PRDM5: variants seen among roughly 807,000 people sequenced by gnomAD.
PRDM5 encodes the protein PR domain zinc finger protein 5.
A neutral mutation model predicts 81.2 loss-of-function variants in PRDM5; 56 were observed. That is an observed-to-expected ratio of 0.69 (90% CI 0.56 to 0.86). PRDM5 has a LOEUF of 0.86. Ranked by LOEUF, PRDM5 falls within the 40% of genes least tolerant of loss-of-function variation. The pLI, the probability that PRDM5 is intolerant of heterozygous loss-of-function variation, is 0.00. For synonymous variants in PRDM5, 267 were observed against 256.4 expected (o/e 1.04, Z -0.39); for missense variants, 697 against 770.1 (o/e 0.91, Z 1.12).
chr4:120,815,339 G>T (rs1567551), intron 7 of PRDM5, among the ~76,000 whole-genome samples: 30,147 of 152,096 alleles, frequency 0.2, 3,648 homozygotes, highest in Non-Finnish European at 0.28. Flanking sequence ...AGGAAAGAAA[G>T]AAACCAGAAC....
chr4:120,832,945 A>C (rs1243590526), intron 3 of PRDM5, among the ~76,000 whole-genome samples: 1 of 152,120 alleles, frequency 6.6e-6, no homozygotes, highest in Non-Finnish European at 1.5e-5. Flanking sequence ...ACATACCAGA[A>C]ACATATTAGA....
chr4:120,714,688 G>C (rs1052560637), intron 14 of PRDM5, among the ~76,000 whole-genome samples: 4 of 151,876 alleles, frequency 2.6e-5, no homozygotes, highest in African/African-American at 9.7e-5. Context: ...TTGTTTCCTT[G>C]GGTGTCTGGG....
intron 15 of PRDM5, among the ~76,000 whole-genome samples, chr4:120,700,849 G>T (rs1735232958): frequency 6.6e-6 from 1 of 152,182 alleles, no homozygotes; most frequent in African/African-American, 2.4e-5. Flanking sequence ...AGTCAGCCAG[G>T]CATGGTGGCT....
intron 7 of PRDM5, among the ~76,000 whole-genome samples, chr4:120,812,176 C>T (rs1753936465): frequency 6.6e-6 from 1 of 152,056 alleles, no homozygotes; most frequent in Non-Finnish European, 1.5e-5. Context: ...TTACCTTTAC[C>T]CATTCTCTCA....
At chr4:120,882,264 C>T (rs1298084726) in intron 2 of PRDM5, among the ~76,000 whole-genome samples, 1 of 152,192 alleles carries the variant, frequency 6.6e-6, no homozygotes, top group Non-Finnish European at 1.5e-5. Flanking sequence ...TCTCCTGTCT[C>T]AGCTTCCCGA....
At chr4:120,877,854 G>A (rs542160841) in intron 2 of PRDM5, among the ~76,000 whole-genome samples, 3 of 152,068 alleles carry the variant, frequency 2.0e-5, no homozygotes, top group Non-Finnish European at 4.4e-5. Flanking sequence ...AGCCAACTTC[G>A]TGTTTACTGC....
intron 1 of PRDM5, among the ~76,000 whole-genome samples, chr4:120,685,337 A>G (rs949225835): frequency 1.3e-5 from 2 of 152,114 alleles, no homozygotes; most frequent in African/African-American, 4.8e-5. Flanking sequence ...AATACCTGAT[A>G]GTCTAGGTAC....
chr4:120,696,979 C>T (rs922061067), intron 15 of PRDM5, among the ~76,000 whole-genome samples: 7 of 152,072 alleles, frequency 4.6e-5, no homozygotes, highest in African/African-American at 1.7e-4. Flanking sequence ...AAAACAAAGC[C>T]AAGTCCATGT....
intron 4 of PRDM5, among the ~76,000 whole-genome samples, chr4:120,819,253 T>C (rs1754949614): frequency 6.6e-6 from 1 of 152,234 alleles, no homozygotes; most frequent in South Asian, 2.1e-4. Flanking sequence ...CAATTTTATA[T>C]GTTTTCCCAT....
intron 15 of PRDM5, among the ~76,000 whole-genome samples, chr4:120,702,798 T>G (rs1735574449): frequency 6.6e-6 from 1 of 152,226 alleles, no homozygotes; most frequent in Admixed American, 6.5e-5. Flanking sequence ...TTAACATTTA[T>G]TCCCATGTTC....
chr4:120,710,019 T>C (rs1236635252), intron 15 of PRDM5, among the ~76,000 whole-genome samples: 1 of 152,172 alleles, frequency 6.6e-6, no homozygotes, highest in Non-Finnish European at 1.5e-5. Flanking sequence ...ATCATGCTTT[T>C]ACACCTTGGA....
intron 1 of PRDM5, among the ~76,000 whole-genome samples, chr4:120,910,225 G>A (rs1363604145): frequency 1.3e-5 from 2 of 152,226 alleles, no homozygotes; most frequent in East Asian, 1.9e-4. Context: ...TACCTTACCG[G>A]GTCTGTTACA....
At chr4:120,753,021 T>A (rs1418885242) in intron 14 of PRDM5, among the ~76,000 whole-genome samples, 1 of 152,186 alleles carries the variant, frequency 6.6e-6, no homozygotes, top group African/African-American at 2.4e-5. Flanking sequence ...CCAAAAGATA[T>A]TTTTTCCTGC....
chr4:120,696,756 T>C (rs1734572125), intron 15 of PRDM5, among the ~76,000 whole-genome samples: 1 of 152,130 alleles, frequency 6.6e-6, no homozygotes, highest in African/African-American at 2.4e-5. Context: ...AGACAAATGT[T>C]AATGAGAGGG....
chr4:120,874,879 G>T (rs1365198227), intron 2 of PRDM5, among the ~76,000 whole-genome samples: 4 of 152,288 alleles, frequency 2.6e-5, no homozygotes, highest in African/African-American at 4.8e-5. Context: ...CTATGGCCTG[G>T]GACTACAGCC....
chr4:120,791,549 C>T (rs908933369), intron 10 of PRDM5, among the ~76,000 whole-genome samples: 2 of 152,172 alleles, frequency 1.3e-5, no homozygotes, highest in East Asian at 1.9e-4. Flanking sequence ...TAGAATACTT[C>T]GCTTGAAAAC....
At chr4:120,743,106 G>T (rs934474692) in intron 14 of PRDM5, among the ~76,000 whole-genome samples, 1 of 151,968 alleles carries the variant, frequency 6.6e-6, no homozygotes, top group African/African-American at 2.4e-5. Flanking sequence ...CAAGCCAGAA[G>T]AGAGTGGGGG....
At chr4:120,833,723 T>C (rs1356293874) in intron 3 of PRDM5, among the ~76,000 whole-genome samples, 1 of 152,116 alleles carries the variant, frequency 6.6e-6, no homozygotes, top group Non-Finnish European at 1.5e-5. Context: ...GAAATGTGTT[T>C]CCAGTAATTA....
chr4:120,862,205 A>T (rs1760685815), intron 2 of PRDM5, among the ~76,000 whole-genome samples: 2 of 152,250 alleles, frequency 1.3e-5, no homozygotes, highest in East Asian at 3.8e-4. Flanking sequence ...CTTTGTCAGT[A>T]AACATTTACT....
Sources: allele counts gnomAD v4.1 joint callset (sites outside exome capture counted in the v4.1 genomes callset), GRCh38; gene constraint gnomAD v4.1.1; transcripts MANE v1.5; gene names NCBI Gene and HGNC (gene_info 2026-07-23, HGNC 2026-07-21).